Variants in RYR2 observed in about 807,000 individuals in gnomAD.
RYR2 encodes the protein cardiac muscle ryanodine receptor-calcium release channel.
A neutral mutation model predicts 601.1 loss-of-function variants in RYR2; 227 were observed. The ratio of observed to expected loss-of-function variants is 0.38; its 90% CI spans 0.34 to 0.42. RYR2 has a LOEUF of 0.42. RYR2 is among the 10% of genes least tolerant of loss of function. RYR2 has a pLI of 1.00. For synonymous variants in RYR2, 2,223 were observed against 2,175.1 expected (o/e 1.02, Z -0.61); for missense variants, 4,646 against 6,156.5 (o/e 0.75, Z 8.21).
At chr1:237,544,051 T>TA (rs1236697723) in intron 25 of RYR2, among the ~76,000 whole-genome samples, 1 of 152,200 alleles carries the variant, frequency 6.6e-6, no homozygotes, top group Non-Finnish European at 1.5e-5. Flanking sequence ...AAGCAAAGCC[T>TA]AAACTGTTAG....
At chr1:237,069,258 G>A (rs1162927001) in intron 1 of RYR2, among the ~76,000 whole-genome samples, 1 of 152,050 alleles carries the variant, frequency 6.6e-6, no homozygotes, top group African/African-American at 2.4e-5. Flanking sequence ...AGATTAATGG[G>A]AACCACTCAG....
Position 237,049,542 on chromosome 1 carries a change from C to T in RYR2, c.48+6973C>T, listed in dbSNP as rs1270508390. Among the ~76,000 whole-genome samples, 3 of 152,172 alleles carry T rather than the reference C, an allele frequency of 2.0e-5. No homozygotes were observed. The East Asian group carries it at 5.8e-4, about 29-fold the overall frequency. Reference sequence around the variant, plus strand: ...AGTCTTAGGGTCAACCAGACTCAAACCATTCTGCAGGATGAGCATAACAAA... The same window carrying T: ...AGTCTTAGGGTCAACCAGACTCAAATCATTCTGCAGGATGAGCATAACAAA... On this transcript the variant is annotated intron_variant, in intron 1 of 104. Coordinates refer to ENST00000366574, the MANE Select transcript of RYR2 (RefSeq NM_001035.3).
intron 60 of RYR2, among the ~76,000 whole-genome samples, chr1:237,676,534 T>G (rs934952379): frequency 3.9e-5 from 6 of 152,178 alleles, no homozygotes; most frequent in African/African-American, 1.2e-4. Context: ...CGTTTTCAGA[T>G]GGCTTGGCCA....
At chr1:237,182,683 C>A (rs1022644945) in intron 1 of RYR2, among the ~76,000 whole-genome samples, 1 of 152,100 alleles carries the variant, frequency 6.6e-6, no homozygotes, top group African/African-American at 2.4e-5. Flanking sequence ...TTAGTTACAA[C>A]GGTATACTAG....
chr1:237,364,988 G>A (rs1700076424), intron 5 of RYR2, among the ~76,000 whole-genome samples: 1 of 152,176 alleles, frequency 6.6e-6, no homozygotes, highest in Admixed American at 6.5e-5. Context: ...AAAGAGTAAA[G>A]CATGTGGACA....
intron 58 of RYR2, among the ~76,000 whole-genome samples, chr1:237,668,292 T>G (rs1361431495): frequency 1.3e-5 from 2 of 152,182 alleles, no homozygotes; most frequent in African/African-American, 4.8e-5. Context: ...TCTCACCCCT[T>G]TTTATTTCCT....
chr1:237,596,826 C>A lies in RYR2; in HGVS notation c.4596+1169C>A, dbSNP rs556023794. Among the ~76,000 whole-genome samples, 6 of 152,264 alleles carry A rather than the reference C, an allele frequency of 3.9e-5. No homozygotes were observed. In the South Asian group the frequency reaches 8.3e-4, roughly 21 times the overall value. ...CTATCAGCAAGTTTCTCAGCAGAAA[C>A]CTTGAAGGCTAGGGAAATGAGATAT... On this transcript the variant is annotated intron_variant, in intron 34 of 104. Coordinates refer to ENST00000366574, the MANE Select transcript of RYR2 (RefSeq NM_001035.3).
rs386370106 is a variant in RYR2 at position 237,262,245 on chromosome 1, G to GTTTTTTTTTTTTTTTTTTTTTTTT, written c.49-8248_49-8225dup. Among the ~76,000 whole-genome samples the GTTTTTTTTTTTTTTTTTTTTTTTT allele has an allele frequency of 3.3e-5, 2 of 61,102 alleles. 1 individual carries two copies. The highest frequency in any genetic ancestry group is 2.1e-3 in the East Asian group (2 of 962). 40.1% of individuals were successfully genotyped at this position (61,102 alleles called of 152,430 possible). A position where few individuals can be genotyped will look rare whatever the true frequency, so the allele number is the denominator to read the frequency against. ...AAATATTAGATCTCTGTTCTAAAGA[G>GTTTTTTTTTTTTTTTTTTTTTTTT]TTTTTTTTTTTTTTTTTTTTTTTTT... On this transcript the variant is annotated intron_variant, in intron 1 of 104. Coordinates refer to ENST00000366574, the MANE Select transcript of RYR2 (RefSeq NM_001035.3).
intron 1 of RYR2, among the ~76,000 whole-genome samples, chr1:237,170,858 G>T (rs534748578): frequency 1.8e-4 from 28 of 151,996 alleles, no homozygotes; most frequent in Non-Finnish European, 3.5e-4. Context: ...TTTAGGTGTC[G>T]GTGGAGAAGT....
intron 34 of RYR2, among the ~76,000 whole-genome samples, chr1:237,597,934 A>T (rs975294184): frequency 6.6e-6 from 1 of 152,222 alleles, no homozygotes. Flanking sequence ...CCCACTAGAG[A>T]TTCACTTCAC....
chr1:237,364,290 T>C lies in RYR2; in HGVS notation c.295-68T>C, dbSNP rs187541826. Reference sequence around the variant, plus strand: ...TAACGGAGTCTTTATAAATAAGAGATATTTTTAAGGAAGTCTTTGAGATCG... The same window carrying C: ...TAACGGAGTCTTTATAAATAAGAGACATTTTTAAGGAAGTCTTTGAGATCG... On this transcript the variant is annotated intron_variant, in intron 4 of 104. Coordinates refer to ENST00000366574, the MANE Select transcript of RYR2 (RefSeq NM_001035.3). 24 of 1,430,546 alleles carry C rather than the reference T, an allele frequency of 1.7e-5. No homozygotes were observed. In the African/African-American group the frequency reaches 3.0e-4, roughly 18 times the overall value. The allele number at this position is 1,430,546 out of a possible 1,614,324, so 88.6% of individuals were successfully genotyped here. A position where few individuals can be genotyped will look rare whatever the true frequency, so the allele number is the denominator to read the frequency against.
chr1:237,586,392 G>A (rs1037494718), intron 29 of RYR2, among the ~76,000 whole-genome samples: 39 of 151,908 alleles, frequency 2.6e-4, no homozygotes, highest in Admixed American at 1.4e-3. Flanking sequence ...CTGAGCATTC[G>A]TGCTAAGCAT....
chr1:237,649,786 G>C (rs1204930387), intron 49 of RYR2, 91 bp from the exon 50 acceptor site: 3 of 1,032,150 alleles, frequency 2.9e-6, no homozygotes, highest in Admixed American at 4.1e-5. Flanking sequence ...TCATCTTCCG[G>C]ATAGTGAAAT....
chr1:237,591,373 C>T (rs1021612406), intron 31 of RYR2, among the ~76,000 whole-genome samples: 2 of 152,084 alleles, frequency 1.3e-5, no homozygotes, highest in African/African-American at 4.8e-5. Context: ...ACTTGCAGAG[C>T]ATTTTCTCCA....
intron 1 of RYR2, 21 bp from the exon 2 acceptor site, chr1:237,270,476 T>C: frequency 6.4e-7 from 1 of 1,559,934 alleles, no homozygotes; most frequent in Non-Finnish European, 8.7e-7. Context: ...TATTTTTCCC[T>C]CTCTTTCTCC....
intron 2 of RYR2, among the ~76,000 whole-genome samples, chr1:237,288,426 A>G (rs1188138979): frequency 6.6e-6 from 1 of 150,836 alleles, no homozygotes; most frequent in Non-Finnish European, 1.5e-5. Flanking sequence ...GGGGAGGACC[A>G]TCAGGTAGGG....
chr1:237,593,771 A>G, intron 33 of RYR2, 135 bp downstream of exon 33: 2 of 930,680 alleles, frequency 2.1e-6, no homozygotes, highest in South Asian at 1.7e-5. Context: ...ATTAATGTCA[A>G]TGTCGTTTTT....
chr1:237,345,656 C>T (rs1451981553), intron 3 of RYR2, among the ~76,000 whole-genome samples: 1 of 151,770 alleles, frequency 6.6e-6, no homozygotes, highest in African/African-American at 2.4e-5. Flanking sequence ...CTGATGATTT[C>T]TTTCCTTATA....
intron 86 of RYR2, among the ~76,000 whole-genome samples, chr1:237,772,762 CT>C (rs5781991): frequency 0.21 from 31,883 of 148,788 alleles, 4,194 homozygotes; most frequent in African/African-American, 0.38. Flanking sequence ...AAAATCACAA[CT>C]TTTTTTTTTT....
Sources: gnomAD v4.1 joint callset for allele counts (sites outside exome capture counted in the v4.1 genomes callset) on GRCh38, gnomAD v4.1.1 for gene constraint, MANE v1.5 for transcripts, NCBI Gene and HGNC (gene_info 2026-07-23, HGNC 2026-07-21) for gene names.